Variants in CRACR2A observed in about 807,000 individuals in gnomAD.
The protein encoded by CRACR2A is calcium release activated channel regulator 2A.
CRACR2A carries 79 observed loss-of-function variants against 90.5 expected under a neutral mutation model. The ratio of observed to expected loss-of-function variants is 0.87; its 90% CI spans 0.73 to 1.05. CRACR2A has a LOEUF of 1.05. CRACR2A is among the 50% of genes least tolerant of loss of function. The probability of loss-of-function intolerance (pLI) is 0.00; values close to 1 mark genes in which losing one functional copy is unlikely to be tolerated. For missense variants in CRACR2A, 823 were observed against 897.2 expected (o/e 0.92, Z 1.06); for synonymous variants, 338 against 356.7 (o/e 0.95, Z 0.59).
In CRACR2A at chr12:3,633,534, C is replaced by T; in HGVS notation, c.1735+70G>A. 1.9e-6 allele frequency: 3 copies of T among 1,543,528 alleles called. No homozygotes were observed. Among genetic ancestry groups the T allele is most frequent in the Non-Finnish European group, 2.6e-6 (3 of 1,141,596 alleles). On this transcript the variant is annotated intron_variant, in intron 15 of 19. Coordinates refer to ENST00000440314, the MANE Select transcript of CRACR2A (RefSeq NM_001144958.2). This position sits in a 1 kb window ranked among gnomAD's most constrained non-coding sequence, Gnocchi z 4.5. ...CCATGGGCTTCTAACGCTCCCTGCCCCGGGCCCCCTTCTCACAAACTCCCT... is the reference window on the plus strand; with the variant it reads ...CCATGGGCTTCTAACGCTCCCTGCCTCGGGCCCCCTTCTCACAAACTCCCT...
chr12:3,654,496 G>A, intron 9 of CRACR2A, 97 bp from the exon 10 acceptor site: 1 of 1,268,908 alleles, frequency 7.9e-7, no homozygotes, highest in Non-Finnish European at 1.1e-6. Context: ...TTGGCAGGCA[G>A]GAACCGTCAC....
chr12:3,617,084 G>A (rs981973043), intron 18 of CRACR2A, 54 bp from the exon 19 acceptor site: 2 of 1,369,040 alleles, frequency 1.5e-6, no homozygotes, highest in Non-Finnish European at 2.0e-6. Flanking sequence ...AGGGGATTGT[G>A]GGGGGTGGTG....
chr12:3,741,239 G>T (rs983670338), intron 1 of CRACR2A, among the ~76,000 whole-genome samples: 78 of 152,152 alleles, frequency 5.1e-4, no homozygotes, highest in African/African-American at 1.6e-3. Context: ...CAGTCAGCCT[G>T]GACCCCTTCC....
chr12:3,646,641 CA>C (rs1022751223), intron 11 of CRACR2A, among the ~76,000 whole-genome samples: 1 of 152,192 alleles, frequency 6.6e-6, no homozygotes, highest in Non-Finnish European at 1.5e-5. Flanking sequence ...GGTTATTTCA[CA>C]AGTCCTGAGA....
chr12:3,656,274 A>C (rs2137476923), intron 9 of CRACR2A, 37 bp downstream of exon 9: 1 of 1,596,234 alleles, frequency 6.3e-7, no homozygotes, highest in Non-Finnish European at 8.6e-7. Flanking sequence ...GAGAGAGTGA[A>C]GAGCCAGGTA....
In CRACR2A at chr12:3,648,688, C is replaced by T. The variant is rs1260010866; in HGVS notation, c.1047-75G>A. On this transcript the variant is annotated intron_variant, in intron 10 of 19. Transcript: ENST00000440314. Reference sequence around the variant, plus strand: ...TGCCCGGACCCCTCATGCTGGAGACCAGCAGGTGATGCCGTGCTGGGGATG... The same window carrying T: ...TGCCCGGACCCCTCATGCTGGAGACTAGCAGGTGATGCCGTGCTGGGGATG... The T allele has an allele frequency of 1.9e-6, 3 of 1,548,304 alleles. No homozygotes were observed. In the African/African-American group the frequency reaches 4.1e-5, roughly 21 times the overall value.
chr12:3,690,206 G>A (rs1005788096), intron 4 of CRACR2A, among the ~76,000 whole-genome samples: 1 of 151,870 alleles, frequency 6.6e-6, no homozygotes, highest in Non-Finnish European at 1.5e-5. Flanking sequence ...GCCAGCTTTA[G>A]GATTGGTTTG....
intron 4 of CRACR2A, among the ~76,000 whole-genome samples, chr12:3,687,084 C>T (rs957374518): frequency 3.9e-5 from 6 of 152,120 alleles, no homozygotes; most frequent in Admixed American, 6.6e-5. Context: ...GGCAGTCTCC[C>T]CACCCCTTGA....
intron 12 of CRACR2A, among the ~76,000 whole-genome samples, chr12:3,643,316 G>A (rs1323540436): frequency 2.0e-5 from 3 of 152,132 alleles, no homozygotes; most frequent in African/African-American, 7.2e-5. Context: ...ATTGCCTTCT[G>A]CTGACCATAT....
intron 3 of CRACR2A, among the ~76,000 whole-genome samples, chr12:3,709,506 A>C (rs1050232513): frequency 1.3e-5 from 2 of 152,214 alleles, no homozygotes; most frequent in South Asian, 4.1e-4. Context: ...GGCTGGGCGC[A>C]GTGGCTCACG....
At chr12:3,643,829 TAAA>T (rs1944624101) in intron 12 of CRACR2A, among the ~76,000 whole-genome samples, 1 of 98,250 alleles carries the variant, frequency 1.0e-5, no homozygotes, top group Non-Finnish European at 1.9e-5. Context: ...ATATTATATA[TAAA>T]TATATATAAT....
chr12:3,716,712 A>G lies in CRACR2A; in HGVS notation c.-117-3395T>C, dbSNP rs1183202954. 2.6e-5 allele frequency among the ~76,000 whole-genome samples: 4 copies of G among 152,178 alleles called. No individual in the cohort carries two copies. The East Asian group carries it at 7.7e-4, about 29-fold the overall frequency. On this transcript the variant is annotated intron_variant, in intron 2 of 19. Coordinates refer to ENST00000440314, the MANE Select transcript of CRACR2A (RefSeq NM_001144958.2). ...TGTCCCCATGAACTTCTTGTAAAGC[A>G]TCAATAATTTCACAATTCTCCTGCC...
intron 3 of CRACR2A, among the ~76,000 whole-genome samples, chr12:3,708,448 G>A (rs1042102209): frequency 2.0e-5 from 3 of 151,688 alleles, no homozygotes; most frequent in East Asian, 1.9e-4. Context: ...TTTTTGAGAC[G>A]GAGTCTCACT....
chr12:3,622,962 A>T (rs1944176846), intron 17 of CRACR2A, among the ~76,000 whole-genome samples: 1 of 152,256 alleles, frequency 6.6e-6, no homozygotes, highest in Non-Finnish European at 1.5e-5. Flanking sequence ...CACCAATGAC[A>T]AAGATCGCAG....
intron 2 of CRACR2A, among the ~76,000 whole-genome samples, chr12:3,722,033 G>C (rs960645521): frequency 6.6e-6 from 1 of 152,290 alleles, no homozygotes; most frequent in South Asian, 2.1e-4. Flanking sequence ...TTTTGTGATT[G>C]TTGCTGATGC....
At position 3,633,744 on chromosome 12, in the gene CRACR2A, T is replaced by C. The variant is rs1778593333; in HGVS notation, c.1603-8A>G. On this transcript the variant is annotated splice_polypyrimidine_tract_variant and splice_region_variant and intron_variant, in intron 14 of 19. Transcript: ENST00000440314. The surrounding 1 kb of genome is among the most constrained non-coding windows in gnomAD (Gnocchi z 4.5). ...AGAGGGAGAGCTTTCCTCCTGTGGA[T>C]GGCACACAATCTGACCAACTGCAGG... 2 of 1,551,610 alleles carry C rather than the reference T, an allele frequency of 1.3e-6. No individual in the cohort carries two copies. The highest frequency in any genetic ancestry group is 1.7e-6 in the Non-Finnish European group (2 of 1,146,988).
At chr12:3,722,810 C>T (rs1946203489) in intron 2 of CRACR2A, among the ~76,000 whole-genome samples, 1 of 152,204 alleles carries the variant, frequency 6.6e-6, no homozygotes, top group Non-Finnish European at 1.5e-5. Flanking sequence ...GTTGATACAA[C>T]TGGCTCTGAC....
At position 3,746,485 on chromosome 12, in the gene CRACR2A, T is replaced by A. The variant is rs955570102; in HGVS notation, c.-387+6530A>T. Among the ~76,000 whole-genome samples the A allele has an allele frequency of 1.3e-5, 2 of 152,006 alleles. No homozygotes were observed. The highest frequency in any genetic ancestry group is 4.8e-5 in the African/African-American group (2 of 41,392). ...TGTGAGGACACAAAAAGAAAGTGGC[T>A]TTCTGCAAGCCAAGGAGAGAACCTT... On this transcript the variant is annotated intron_variant, in intron 1 of 19. Coordinates refer to ENST00000440314, the MANE Select transcript of CRACR2A (RefSeq NM_001144958.2). The surrounding 1 kb of genome is among the most constrained non-coding windows in gnomAD (Gnocchi z 4.4).
At chr12:3,739,946 T>G (rs1946500667) in intron 1 of CRACR2A, among the ~76,000 whole-genome samples, 2 of 144,574 alleles carry the variant, frequency 1.4e-5, no homozygotes, top group Non-Finnish European at 3.1e-5. Flanking sequence ...AAAAAAAAAT[T>G]ATTGCATGCA....
Sources: gnomAD v4.1 joint callset for allele counts (sites outside exome capture counted in the v4.1 genomes callset) on GRCh38, gnomAD v4.1.1 for gene constraint, Gnocchi (gnomAD v3.1) non-coding constraint, MANE v1.5 for transcripts, NCBI Gene and HGNC (gene_info 2026-07-23, HGNC 2026-07-21) for gene names.